ABHD12B: variants seen among roughly 807,000 people sequenced by gnomAD.
ABHD12B encodes abhydrolase domain containing 12B, also known as protein ABHD12B.
Under a neutral mutation model 50.4 loss-of-function variants are expected in ABHD12B, and 42 were observed. The ratio of observed to expected loss-of-function variants is 0.83; its 90% confidence interval spans 0.65 to 1.08. The LOEUF is 1.08. Ranked by LOEUF, ABHD12B falls within the 50% of genes least tolerant of loss-of-function variation. The pLI is 0.00. For missense variants in ABHD12B, 479 were observed against 447.7 expected, an observed-to-expected ratio of 1.07 and a Z score of -0.63; for synonymous variants, 167 against 160.3, an observed-to-expected ratio of 1.04 and a Z score of -0.32.
At chr14:50,890,580 AT>A (rs1555324521) in intron 9 of ABHD12B, among the ~76,000 whole-genome samples, 1 of 152,068 alleles carries the variant, frequency 6.6e-6, no homozygotes, top group Non-Finnish European at 1.5e-5. Context: ...AATATATTTT[AT>A]TTTTTTCACC....
In ABHD12B at chr14:50,891,752, G is replaced by A. The variant is rs577043563; in HGVS notation, c.780+2849G>A. 2.6e-5 allele frequency: 4 copies of A among 152,300 alleles called. No homozygotes were observed. In the East Asian group the frequency reaches 7.7e-4, roughly 29 times the overall value. 9.4% of individuals were successfully genotyped at this position (152,300 alleles called of 1,614,324 possible). A position where few individuals can be genotyped will look rare whatever the true frequency, so the allele number is the denominator to read the frequency against. ...TTTGTATGGAGGCAGGGGTCCACAT[G>A]AGTGTCTAATTGGTCTAGAGTCATT... On this transcript the variant is annotated intron_variant, in intron 9 of 12. Coordinates refer to ENST00000337334, the MANE Select transcript of ABHD12B (RefSeq NM_001206673.2).
At position 50,884,703 on chromosome 14, in the gene ABHD12B, T is replaced by G. The variant is rs1412239396; in HGVS notation, c.487-911T>G. On this transcript the variant is annotated intron_variant, in intron 5 of 12. Coordinates refer to ENST00000337334, the MANE Select transcript of ABHD12B (RefSeq NM_001206673.2). ...TCTTTATCTATGATTGTATTTCTTC[T>G]TTTTTTTTTTTTTTTTTTTTTTTTT... Among the ~76,000 whole-genome samples, 2 of 330 alleles carry G rather than the reference T, an allele frequency of 6.1e-3. 1 individual carries two copies. Among genetic ancestry groups the G allele is most frequent in the African/African-American group, 0.02 (2 of 102 alleles). The allele number at this position is 330 out of a possible 152,430, so 0.2% of individuals were successfully genotyped here. A position where few individuals can be genotyped will look rare whatever the true frequency, so the allele number is the denominator to read the frequency against.
rs375485745 is a variant in ABHD12B, at chr14:50,878,002, A to G, written c.155A>G (p.Tyr52Cys). 186 of 1,535,446 alleles carry G rather than the reference A, an allele frequency of 1.2e-4. 1 individual carries two copies. In the African/African-American group the frequency reaches 2.0e-3, roughly 16 times the overall value. ...CTCGGAAGAAAAATTGCTGCTCTGT[A>G]TGACAGCTTTACTAGTAAATCCTTA... ...SMLGRKIAALYDSFTSKSLKE... is the reference protein window; with the variant it reads ...SMLGRKIAALCDSFTSKSLKE... Residue 52 changes from tyrosine to cysteine, a missense_variant, in exon 2 of 13, where the codon TAT becomes TGT. Physicochemically the swap from Tyr to Cys is radical, Grantham distance 194 (BLOSUM62 -2). Coordinates refer to ENST00000337334, the MANE Select transcript of ABHD12B (RefSeq NM_001206673.2).
chr14:50,872,223 C>G lies in ABHD12B; in HGVS notation c.49C>G (p.Pro17Ala). 1 of 1,389,316 alleles carries G rather than the reference C, an allele frequency of 7.2e-7. No homozygotes were observed. Among genetic ancestry groups the G allele is most frequent in the Non-Finnish European group, 9.4e-7 (1 of 1,068,528 alleles). 86.1% of individuals were successfully genotyped at this position (1,389,316 alleles called of 1,614,324 possible). A position where few individuals can be genotyped will look rare whatever the true frequency, so the allele number is the denominator to read the frequency against. The change falls in exon 1 of 13, where the codon CCC (proline) becomes GCC (alanine). Residue 17 changes from proline to alanine, a missense_variant. Coordinates refer to ENST00000337334, the MANE Select transcript of ABHD12B (RefSeq NM_001206673.2). Reference protein sequence around the residue: ...QAAASPEPPGPPARSCVAAWW... With the variant: ...QAAASPEPPGAPARSCVAAWW... ...GGCCGCATCGCCCGAGCCGCCCGGG[C>G]CCCCAGCCCGTAGCTGCGTGGCCGC...
At chr14:50,879,597 C>T in intron 3 of ABHD12B, among the ~76,000 whole-genome samples, 1 of 152,366 alleles carries the variant, frequency 6.6e-6, no homozygotes, top group Admixed American at 6.5e-5. Context: ...TATTTCATCT[C>T]CCTGAGTTCA....
intron 7 of ABHD12B, among the ~76,000 whole-genome samples, 175 bp downstream of exon 7, chr14:50,886,070 A>T (rs2050032638): frequency 6.6e-6 from 1 of 152,166 alleles, no homozygotes; most frequent in Admixed American, 6.5e-5. Flanking sequence ...GCTATTTGTA[A>T]AACAACAGAA....
chr14:50,896,265 G>A (rs1000036852), intron 9 of ABHD12B, among the ~76,000 whole-genome samples: 11 of 151,882 alleles, frequency 7.2e-5, no homozygotes, highest in African/African-American at 2.2e-4. Context: ...CAATTCCCCC[G>A]TTTTACCTGT....
At chr14:50,876,829 C>A (rs543614883) in intron 1 of ABHD12B, among the ~76,000 whole-genome samples, 5 of 152,308 alleles carry the variant, frequency 3.3e-5, no homozygotes, top group Admixed American at 2.6e-4. Flanking sequence ...TGCTTTCCAG[C>A]CCCTCAACCT....
At chr14:50,887,791 C>A (rs1270243506) in intron 8 of ABHD12B, among the ~76,000 whole-genome samples, 1 of 152,162 alleles carries the variant, frequency 6.6e-6, no homozygotes, top group Non-Finnish European at 1.5e-5. Flanking sequence ...CACATTACTC[C>A]TAGACTGTAG....
chr14:50,901,677 A>G (rs1295766596), intron 9 of ABHD12B, 152 bp from the exon 10 acceptor site: 3 of 424,278 alleles, frequency 7.1e-6, no homozygotes, highest in African/African-American at 6.2e-5. Context: ...CCCGACGTGC[A>G]TTACTTTTTA....
chr14:50,889,653 A>G (rs1168449373), intron 9 of ABHD12B, among the ~76,000 whole-genome samples: 5 of 152,190 alleles, frequency 3.3e-5, no homozygotes, highest in African/African-American at 1.2e-4. Flanking sequence ...AGAAAAAAAA[A>G]TCTATTGTGT....
chr14:50,888,762 A>T, intron 8 of ABHD12B, 62 bp from the exon 9 acceptor site: 1 of 1,433,732 alleles, frequency 7.0e-7, no homozygotes, highest in Non-Finnish European at 9.8e-7. Context: ...CCCCTTATCT[A>T]GGAAAGATGG....
chr14:50,878,696 A>G (rs1209170136), intron 2 of ABHD12B, 49 bp from the exon 3 acceptor site: 1 of 1,481,302 alleles, frequency 6.8e-7, no homozygotes, highest in Non-Finnish European at 9.4e-7. Flanking sequence ...TTGTGATTAA[A>G]AGGCATGGAA....
Position 50,872,290 on chromosome 14 carries a change from C to A in ABHD12B, c.104+12C>A. ...GACCGCAACCTGCGGTGAGTACCGC[C>A]CGGTCCACCCCTGGCCGGGCCCCGA... On this transcript the variant is annotated intron_variant, in intron 1 of 12. Coordinates refer to ENST00000337334, the MANE Select transcript of ABHD12B (RefSeq NM_001206673.2). 1 of 1,296,176 alleles carries A rather than the reference C, an allele frequency of 7.7e-7. No homozygotes were observed. The highest frequency in any genetic ancestry group is 2.3e-5 in the South Asian group (1 of 44,094). The allele number at this position is 1,296,176 out of a possible 1,614,324, so 80.3% of individuals were successfully genotyped here.
intron 10 of ABHD12B, among the ~76,000 whole-genome samples, chr14:50,903,000 TTCTTTTTTAG>T (rs1301610055): frequency 2.0e-5 from 3 of 152,240 alleles, no homozygotes; most frequent in African/African-American, 7.2e-5. Flanking sequence ...GAGTTTTGTT[TTCTTTTTTAG>T]TCTTTTAATA....
intron 5 of ABHD12B, among the ~76,000 whole-genome samples, chr14:50,883,617 C>T (rs184647740): frequency 2.4e-3 from 359 of 152,364 alleles, no homozygotes; most frequent in Non-Finnish European, 3.6e-3. Flanking sequence ...TCTCAATGTT[C>T]CCAGAAAGGA....
At chr14:50,876,884 A>G (rs759431856) in intron 1 of ABHD12B, among the ~76,000 whole-genome samples, 1 of 152,202 alleles carries the variant, frequency 6.6e-6, no homozygotes, top group African/African-American at 2.4e-5. Context: ...ATCTCTTACA[A>G]CATGGAAAGG....
intron 10 of ABHD12B, 27 bp from the exon 11 acceptor site, chr14:50,903,362 G>C: frequency 6.4e-7 from 1 of 1,556,358 alleles, no homozygotes; most frequent in Non-Finnish European, 8.9e-7. Context: ...TTCTTTAACT[G>C]AATGCTTTTC....
chr14:50,875,516 T>G lies in ABHD12B; in HGVS notation c.105-2436T>G, dbSNP rs543869617. ...AGGTTCTGAGTCCCCTGTGGGACGCTGTGTGGTTACAGCTGCAGCTGATCA... is the reference window on the plus strand; with the variant it reads ...AGGTTCTGAGTCCCCTGTGGGACGCGGTGTGGTTACAGCTGCAGCTGATCA... On this transcript the variant is annotated intron_variant, in intron 1 of 12. Coordinates refer to ENST00000337334, the MANE Select transcript of ABHD12B (RefSeq NM_001206673.2). Among the ~76,000 whole-genome samples the G allele has an allele frequency of 1.0e-3, 154 of 152,298 alleles. 4 individuals carry two copies. The South Asian group carries it at 0.029, about 29-fold the overall frequency.
Sources: gnomAD v4.1 joint callset for allele counts (sites outside exome capture counted in the v4.1 genomes callset) on GRCh38, gnomAD v4.1.1 for gene constraint, MANE v1.5 for transcripts, NCBI Gene and HGNC (gene_info 2026-07-23, HGNC 2026-07-21) for gene names.